ELAVL4: variants seen among roughly 807,000 people sequenced by gnomAD.
The protein encoded by ELAVL4 is ELAV-like protein 4.
Under a neutral mutation model 35.6 loss-of-function variants are expected in ELAVL4, and 1 was observed. The ratio of observed to expected loss-of-function variants is 0.03; its 90% CI spans 0.01 to 0.13. The LOEUF is 0.13. Ranked by LOEUF, ELAVL4 falls within the 10% of genes least tolerant of loss-of-function variation. The pLI, the probability that ELAVL4 is intolerant of heterozygous loss-of-function variation, is 1.00. For synonymous variants in ELAVL4, 156 were observed against 171.0 expected (o/e 0.91, Z 0.69); for missense variants, 267 against 464.9 (o/e 0.57, Z 3.91).
chr1:50,199,137 G>C (rs1398936073), intron 6 of ELAVL4, among the ~76,000 whole-genome samples: 1 of 152,194 alleles, frequency 6.6e-6, no homozygotes, highest in Non-Finnish European at 1.5e-5. Flanking sequence ...TTTTAAACAA[G>C]AGGGAAGATT....
intron 1 of ELAVL4, among the ~76,000 whole-genome samples, chr1:50,055,895 A>G (rs1663635643): frequency 1.3e-5 from 2 of 152,150 alleles, no homozygotes; most frequent in South Asian, 4.1e-4. Context: ...AGTTCTGAGT[A>G]GTCATCAACT....
chr1:50,189,044 GGAATGAATGAAC>G (rs1682264341), intron 3 of ELAVL4, among the ~76,000 whole-genome samples: 1 of 152,158 alleles, frequency 6.6e-6, no homozygotes, highest in Non-Finnish European at 1.5e-5. Context: ...AGGAAGGGGA[GGAATGAATGAAC>G]TCCCATCTTC....
chr1:50,080,277 C>T (rs1557691225), intron 1 of ELAVL4, among the ~76,000 whole-genome samples: 1 of 152,172 alleles, frequency 6.6e-6, no homozygotes, highest in Non-Finnish European at 1.5e-5. Context: ...GTCAGAATAT[C>T]TTAGCAGAAG....
At position 50,195,715 on chromosome 1, in the gene ELAVL4, G is replaced by A. The variant is rs142570798; in HGVS notation, c.663G>A (p.Leu221=). Residue 221 remains leucine (L), a synonymous_variant, in exon 5 of 7, where the codon CTG becomes CTA. Coordinates refer to ENST00000371824, the MANE Select transcript of ELAVL4 (RefSeq NM_001144774.3). Reference sequence around the variant, plus strand: ...CCAGCCAGAAGTCCAGCCAGGCCCTGCTCTCCCAGCTCTACCAGTCCCCCA... The same window carrying A: ...CCAGCCAGAAGTCCAGCCAGGCCCTACTCTCCCAGCTCTACCAGTCCCCCA... ...NNPSQKSSQA[L]LSQLYQSPNR... The A allele has an allele frequency of 1.6e-5, 26 of 1,614,022 alleles. No homozygotes were observed. Among genetic ancestry groups the A allele is most frequent in the Non-Finnish European group, 2.0e-5 (24 of 1,180,018 alleles).
At position 50,133,655 on chromosome 1, in the gene ELAVL4, A is replaced by AAGAAAG. The variant is rs1553174600; in HGVS notation, c.10-11300_10-11295dup. ...AGAAAGAAAGAAAGAAAGAAAGAGA[A>AAGAAAG]AGAAAGAAAGAAAGAAAGAAGCAGT... On this transcript the variant is annotated intron_variant, in intron 1 of 6. Coordinates refer to ENST00000371824, the MANE Select transcript of ELAVL4 (RefSeq NM_001144774.3). Among the ~76,000 whole-genome samples the AAGAAAG allele has an allele frequency of 1.6e-3, 203 of 127,066 alleles. 1 individual carries two copies. Among genetic ancestry groups the AAGAAAG allele is most frequent in the East Asian group, 5.5e-3 (23 of 4,214 alleles). 83.4% of individuals were successfully genotyped at this position (127,066 alleles called of 152,430 possible).
At chr1:50,106,407 A>G, upstream of ELAVL4, 4 of 1,604,612 alleles carry the variant, frequency 2.5e-6, no homozygotes, top group South Asian at 1.1e-5. Flanking sequence ...AGAGGAATAC[A>G]GCGGCGCTGG....
Position 50,109,015 on chromosome 1 carries a change from T to TCGGGGGGCCC in ELAVL4, c.-174_-173insGGGGGGCCCC. The TCGGGGGGCCC allele has an allele frequency of 2.1e-6, 2 of 961,068 alleles. No homozygotes were observed. Among genetic ancestry groups the TCGGGGGGCCC allele is most frequent in the Non-Finnish European group, 1.2e-6 (1 of 816,952 alleles). The allele number at this position is 961,068 out of a possible 1,614,324, so 59.5% of individuals were successfully genotyped here. Reference sequence around the variant, plus strand: ...GCTCCTTTTCTTTTTTTTCTTTCTCTCCCCCGCCCACCCCCCCAAAAATAA... The same window carrying TCGGGGGGCCC: ...GCTCCTTTTCTTTTTTTTCTTTCTCTCGGGGGGCCCCCCCCGCCCACCCCCCCAAAAATAA... On this transcript the variant is annotated 5_prime_UTR_variant, in exon 1 of 7. Coordinates refer to ENST00000371824, the MANE Select transcript of ELAVL4 (RefSeq NM_001144774.3).
chr1:50,162,202 C>G (rs1048206320), intron 2 of ELAVL4, among the ~76,000 whole-genome samples: 8 of 152,190 alleles, frequency 5.3e-5, no homozygotes, highest in African/African-American at 1.9e-4. Flanking sequence ...AGTATACTGA[C>G]TGGCACTCAC....
At chr1:50,086,259 A>G (rs1665236751) in intron 1 of ELAVL4, among the ~76,000 whole-genome samples, 1 of 151,570 alleles carries the variant, frequency 6.6e-6, no homozygotes, top group African/African-American at 2.4e-5. Context: ...TAGTTATTTT[A>G]TGGTTTGATA....
chr1:50,057,002 C>T (rs925575985), intron 1 of ELAVL4, among the ~76,000 whole-genome samples: 1 of 151,246 alleles, frequency 6.6e-6, no homozygotes, highest in African/African-American at 2.4e-5. Context: ...GCAGGTCCTT[C>T]AGGAGTTATT....
chr1:50,048,090 C>G, exon 1 of ELAVL4: 1 of 1,435,546 alleles, frequency 7.0e-7, no homozygotes, highest in Non-Finnish European at 9.1e-7. Context: ...TGAGACTCTG[C>G]GGACGTCTTC....
At chr1:50,103,657 C>T (rs977116024), upstream of ELAVL4, among the ~76,000 whole-genome samples, 9 of 152,088 alleles carry the variant, frequency 5.9e-5, no homozygotes, top group African/African-American at 1.4e-4. Flanking sequence ...TCACTGATGA[C>T]GCTATTTAAA....
At chr1:50,092,065 T>C (rs924817614) in intron 1 of ELAVL4, among the ~76,000 whole-genome samples, 1 of 152,232 alleles carries the variant, frequency 6.6e-6, no homozygotes, top group African/African-American at 2.4e-5. Flanking sequence ...CCACAAACTG[T>C]ACCAGGCATT....
chr1:50,196,084 A>C (rs1390056549), intron 5 of ELAVL4, among the ~76,000 whole-genome samples: 1 of 152,266 alleles, frequency 6.6e-6, no homozygotes, highest in Non-Finnish European at 1.5e-5. Context: ...AACAAGAGTT[A>C]ATCACAGATC....
rs533087833 is a variant in ELAVL4, at chr1:50,161,487, G to T, written c.251-15602G>T. ...TACTTAGAATATCTTTTCCTTTTCA[G>T]TTTTTTTTTAACTAAGTACTTGATA... On this transcript the variant is annotated intron_variant, in intron 2 of 6. Transcript: ENST00000371824. Among the ~76,000 whole-genome samples the T allele has an allele frequency of 5.3e-5, 8 of 151,032 alleles. No homozygotes were observed. In the South Asian group the frequency reaches 1.5e-3, roughly 28 times the overall value.
intron 1 of ELAVL4, among the ~76,000 whole-genome samples, chr1:50,123,053 C>A (rs77015709): frequency 0.03 from 4,544 of 152,140 alleles, 116 homozygotes; most frequent in Non-Finnish European, 0.047. Flanking sequence ...CAGACTCCCA[C>A]CACCTGCACA....
chr1:50,198,436 C>T (rs1003417056), intron 6 of ELAVL4, among the ~76,000 whole-genome samples: 5 of 152,136 alleles, frequency 3.3e-5, no homozygotes, highest in African/African-American at 1.2e-4. Context: ...ACATCACACC[C>T]CCAGTTCTTT....
At chr1:50,108,186 G>C (rs867926634), upstream of ELAVL4, among the ~76,000 whole-genome samples, 3 of 152,132 alleles carry the variant, frequency 2.0e-5, no homozygotes, top group African/African-American at 7.2e-5. Context: ...AGCTCAGACA[G>C]AAGGCAGAAA....
chr1:50,163,687 G>A (rs1050746080), intron 2 of ELAVL4, among the ~76,000 whole-genome samples: 5 of 152,154 alleles, frequency 3.3e-5, no homozygotes, highest in Non-Finnish European at 7.3e-5. Flanking sequence ...TTAGGCGGGA[G>A]TGGTGGTTCA....
Sources: gnomAD v4.1 joint callset for allele counts (sites outside exome capture counted in the v4.1 genomes callset) on GRCh38, gnomAD v4.1.1 for gene constraint, MANE v1.5 for transcripts, NCBI Gene and HGNC (gene_info 2026-07-23, HGNC 2026-07-21) for gene names.